Variants in SLCO6A1 observed in about 807,000 individuals in gnomAD.
SLCO6A1 encodes the protein cancer/testis antigen 48.
Under a neutral mutation model 72.7 loss-of-function variants are expected in SLCO6A1, and 65 were observed. The ratio of observed to expected loss-of-function variants is 0.89; its 90% CI spans 0.73 to 1.10. The LOEUF is 1.10. Among genes scored for constraint, SLCO6A1 ranks in the 50% least tolerant of loss-of-function variants. The probability of loss-of-function intolerance (pLI) is 0.00; values close to 1 mark genes in which losing one functional copy is unlikely to be tolerated. For synonymous variants in SLCO6A1, 314 were observed against 298.2 expected (o/e 1.05, Z -0.55); for missense variants, 874 against 872.6 (o/e 1.00, Z -0.02).
chr5:102,420,455 T>A (rs1418493482), intron 7 of SLCO6A1, among the ~76,000 whole-genome samples: 1 of 152,190 alleles, frequency 6.6e-6, no homozygotes, highest in African/African-American at 2.4e-5. Flanking sequence ...ACCCATTAGT[T>A]CTATGAATGA....
At chr5:102,437,924 C>T (rs1301830758) in intron 7 of SLCO6A1, among the ~76,000 whole-genome samples, 1 of 152,098 alleles carries the variant, frequency 6.6e-6, no homozygotes, top group Non-Finnish European at 1.5e-5. Flanking sequence ...AACTTTAAAA[C>T]ATTTAATTCC....
intron 6 of SLCO6A1, among the ~76,000 whole-genome samples, chr5:102,457,324 A>C (rs1750778667): frequency 6.6e-6 from 1 of 151,844 alleles, no homozygotes; most frequent in Admixed American, 6.6e-5. Flanking sequence ...CAACCTACAG[A>C]ATGGGAGAAT....
At position 102,430,190 on chromosome 5, in the gene SLCO6A1, A is replaced by T. The variant is rs541315819; in HGVS notation, c.1276+8427T>A. Among the ~76,000 whole-genome samples, 49 of 152,218 alleles carry T rather than the reference A, an allele frequency of 3.2e-4. 1 individual carries two copies. In the South Asian group the frequency reaches 9.8e-3, roughly 30 times the overall value. ...TTTGCTGATGGCTGTTTCTCAGCTT[A>T]AGGAGCTTTTGGGCCAAGACTATGG... On this transcript the variant is annotated intron_variant, in intron 7 of 13. Transcript: ENST00000506729.
At chr5:102,467,393 C>CAGAGTG (rs1362257642) in intron 4 of SLCO6A1, among the ~76,000 whole-genome samples, 58 of 151,950 alleles carry the variant, frequency 3.8e-4, no homozygotes, top group African/African-American at 1.3e-3. Context: ...GCCTGGGTGA[C>CAGAGTG]AGAGTGAGAA....
chr5:102,490,820 G>A (rs201065081), intron 1 of SLCO6A1, among the ~76,000 whole-genome samples: 6 of 152,222 alleles, frequency 3.9e-5, no homozygotes, highest in African/African-American at 7.2e-5. Flanking sequence ...GAGTGTTACC[G>A]CTCATAAAGG....
At chr5:102,389,702 C>G (rs1325682008) in intron 11 of SLCO6A1, among the ~76,000 whole-genome samples, 1 of 151,862 alleles carries the variant, frequency 6.6e-6, no homozygotes, top group Non-Finnish European at 1.5e-5. Context: ...TTTTTTCAAT[C>G]CATCATACAT....
intron 6 of SLCO6A1, among the ~76,000 whole-genome samples, chr5:102,440,196 C>T (rs1749756436): frequency 6.6e-6 from 1 of 152,120 alleles, no homozygotes; most frequent in African/African-American, 2.4e-5. Flanking sequence ...GTTCCATTCT[C>T]CAGACTTTGA....
chr5:102,497,309 G>A (rs559790505), intron 1 of SLCO6A1, among the ~76,000 whole-genome samples: 1 of 152,358 alleles, frequency 6.6e-6, no homozygotes, highest in South Asian at 2.1e-4. Context: ...CCAATAGAGA[G>A]TGGCTGAGCC....
chr5:102,469,253 A>G (rs1321736928), intron 4 of SLCO6A1, among the ~76,000 whole-genome samples: 1 of 152,100 alleles, frequency 6.6e-6, no homozygotes, highest in Non-Finnish European at 1.5e-5. Context: ...TACCTTGGGC[A>G]GTATGGCTAT....
intron 6 of SLCO6A1, among the ~76,000 whole-genome samples, chr5:102,457,789 A>G (rs1263055249): frequency 1.3e-5 from 2 of 152,220 alleles, no homozygotes; most frequent in Non-Finnish European, 2.9e-5. Context: ...GCTGCTATAA[A>G]GACACATGCA....
At chr5:102,494,115 TCTTGAAATAGA>T (rs1253580129) in intron 1 of SLCO6A1, among the ~76,000 whole-genome samples, 2 of 152,136 alleles carry the variant, frequency 1.3e-5, no homozygotes, top group African/African-American at 4.8e-5. Context: ...GAATAGAAAG[TCTTGAAATAGA>T]CTCAGAAAGA....
chr5:102,473,586 C>T (rs188341721), intron 4 of SLCO6A1, among the ~76,000 whole-genome samples: 71 of 151,890 alleles, frequency 4.7e-4, no homozygotes, highest in Admixed American at 2.4e-3. Flanking sequence ...TCACCATGTT[C>T]GACATAGTAC....
At chr5:102,455,990 A>T (rs1252671424) in intron 6 of SLCO6A1, among the ~76,000 whole-genome samples, 1 of 152,216 alleles carries the variant, frequency 6.6e-6, no homozygotes, top group African/African-American at 2.4e-5. Flanking sequence ...TATAAAGAGA[A>T]CCAACGACAA....
chr5:102,447,749 T>C (rs761333572), intron 6 of SLCO6A1, among the ~76,000 whole-genome samples: 30 of 152,032 alleles, frequency 2.0e-4, no homozygotes, highest in Non-Finnish European at 3.7e-4. Flanking sequence ...TTATGTTTAT[T>C]TGTATCTTGT....
intron 12 of SLCO6A1, among the ~76,000 whole-genome samples, chr5:102,375,217 G>A (rs1745713385): frequency 6.6e-6 from 1 of 152,120 alleles, no homozygotes; most frequent in Non-Finnish European, 1.5e-5. Flanking sequence ...GACACTCAAA[G>A]ATATGTAGCC....
intron 12 of SLCO6A1, among the ~76,000 whole-genome samples, chr5:102,378,425 T>C (rs1289165138): frequency 6.6e-6 from 1 of 152,084 alleles, no homozygotes; most frequent in Non-Finnish European, 1.5e-5. Flanking sequence ...TAAGCCACCA[T>C]GCCTGGCCAT....
At chr5:102,490,177 TAGGGTGACTAGAGTCACC>T (rs1752610339) in intron 1 of SLCO6A1, among the ~76,000 whole-genome samples, 1 of 152,188 alleles carries the variant, frequency 6.6e-6, no homozygotes, top group East Asian at 1.9e-4. Flanking sequence ...TGTTGCACAG[TAGGGTGACTAGAGTCACC>T]CTATTAACAA....
At chr5:102,402,230 T>A (rs533515639) in intron 9 of SLCO6A1, among the ~76,000 whole-genome samples, 4 of 152,086 alleles carry the variant, frequency 2.6e-5, no homozygotes, top group Admixed American at 2.6e-4. Context: ...CAGGAAAGAA[T>A]ATGTCAAGGA....
chr5:102,394,080 G>A (rs1746924299), intron 10 of SLCO6A1, among the ~76,000 whole-genome samples: 1 of 152,104 alleles, frequency 6.6e-6, no homozygotes, highest in Non-Finnish European at 1.5e-5. Context: ...TACCTCAGGG[G>A]CAGTTTTAGA....
Sources: allele counts gnomAD v4.1 joint callset (sites outside exome capture counted in the v4.1 genomes callset), GRCh38; gene constraint gnomAD v4.1.1; transcripts MANE v1.5; gene names NCBI Gene and HGNC (gene_info 2026-07-23, HGNC 2026-07-21).